The following CLSTN2 variants were observed in gnomAD, a reference collection of about 807,000 sequenced individuals.
The protein encoded by CLSTN2 is calsyntenin 2.
A neutral mutation model predicts 101.2 loss-of-function variants in CLSTN2; 48 were observed. The ratio of observed to expected loss-of-function variants is 0.47; its 90% CI spans 0.38 to 0.60. The LOEUF (loss-of-function observed/expected upper bound fraction) is 0.60, where lower values mean the gene tolerates loss of function less well. Among genes scored for constraint, CLSTN2 ranks in the 20% least tolerant of loss-of-function variants. The probability of loss-of-function intolerance (pLI) is 0.00; values close to 1 mark genes in which losing one functional copy is unlikely to be tolerated. For synonymous variants in CLSTN2, 481 were observed against 463.6 expected, an observed-to-expected ratio of 1.04 and a Z score of -0.48; for missense variants, 1,160 against 1,238.2, an observed-to-expected ratio of 0.94 and a Z score of 0.95.
chr3:140,524,899 GA>G (rs1318482963), intron 8 of CLSTN2, among the ~76,000 whole-genome samples: 2 of 152,154 alleles, frequency 1.3e-5, no homozygotes, highest in Non-Finnish European at 2.9e-5. Flanking sequence ...TGAAATTATT[GA>G]AAATAGTGAC....
chr3:140,328,070 C>T (rs1195584892), intron 2 of CLSTN2, among the ~76,000 whole-genome samples: 1 of 152,120 alleles, frequency 6.6e-6, no homozygotes, highest in Non-Finnish European at 1.5e-5. Flanking sequence ...CCTGATGCTT[C>T]CTTTCACTTG....
At chr3:140,075,381 G>T (rs1385890753) in intron 1 of CLSTN2, among the ~76,000 whole-genome samples, 1 of 152,062 alleles carries the variant, frequency 6.6e-6, no homozygotes, top group African/African-American at 2.4e-5. Flanking sequence ...ACTCGAAATA[G>T]TTTCCTGTTT....
intron 2 of CLSTN2, among the ~76,000 whole-genome samples, chr3:140,225,051 A>C (rs913578231): frequency 6.6e-6 from 1 of 152,198 alleles, no homozygotes; most frequent in Non-Finnish European, 1.5e-5. Flanking sequence ...AGGTTGCACT[A>C]TGTGTGAATT....
intron 8 of CLSTN2, among the ~76,000 whole-genome samples, chr3:140,494,774 C>A (rs549687578): frequency 6.6e-6 from 1 of 152,252 alleles, no homozygotes; most frequent in South Asian, 2.1e-4. Flanking sequence ...CCATTCATAT[C>A]CCTGCAAAGG....
chr3:140,197,653 G>T (rs1344897212), intron 2 of CLSTN2, among the ~76,000 whole-genome samples: 2 of 152,060 alleles, frequency 1.3e-5, no homozygotes, highest in Non-Finnish European at 2.9e-5. Flanking sequence ...ACATTTTTTG[G>T]TTGTCTTAAT....
At chr3:140,464,433 A>G (rs973395183) in intron 7 of CLSTN2, among the ~76,000 whole-genome samples, 5 of 152,262 alleles carry the variant, frequency 3.3e-5, no homozygotes, top group Non-Finnish European at 7.3e-5. Flanking sequence ...AGAGAAGGGA[A>G]GAAAGATTCA....
chr3:140,315,356 G>T (rs938722278), intron 2 of CLSTN2, among the ~76,000 whole-genome samples: 2 of 152,174 alleles, frequency 1.3e-5, no homozygotes, highest in Admixed American at 1.3e-4. Context: ...ATGCCAAGAG[G>T]ATTTACTTAG....
At chr3:140,024,595 G>T (rs1192797076) in intron 1 of CLSTN2, among the ~76,000 whole-genome samples, 1 of 152,196 alleles carries the variant, frequency 6.6e-6, no homozygotes, top group East Asian at 1.9e-4. Context: ...GCAGGCAGGA[G>T]CTGGGTACTC....
chr3:140,423,914 G>A (rs1270553685), intron 5 of CLSTN2, among the ~76,000 whole-genome samples: 1 of 152,210 alleles, frequency 6.6e-6, no homozygotes, highest in Non-Finnish European at 1.5e-5. Context: ...ATGGGGAAAG[G>A]GTACAGGGGC....
At position 140,352,787 on chromosome 3, in the gene CLSTN2, G is replaced by A. The variant is rs116026180; in HGVS notation, c.233-50842G>A. On this transcript the variant is annotated intron_variant, in intron 2 of 16. Transcript: ENST00000458420. ...GGGCCTGTTATCTTCTTCAGAGCAG[G>A]GAAATTCATCTCTTTCTACCCAACC... Among the ~76,000 whole-genome samples, 643 of 152,014 alleles carry A rather than the reference G, an allele frequency of 4.2e-3. 3 individuals carry two copies. The highest frequency in any genetic ancestry group is 0.014 in the African/African-American group (572 of 41,456).
intron 2 of CLSTN2, among the ~76,000 whole-genome samples, chr3:140,306,491 G>T (rs896191799): frequency 1.3e-5 from 2 of 152,160 alleles, no homozygotes; most frequent in African/African-American, 4.8e-5. Context: ...CTGAGGCCCA[G>T]GTTGAACCTT....
intron 1 of CLSTN2, among the ~76,000 whole-genome samples, chr3:140,174,936 G>T (rs1027869838): frequency 1.3e-5 from 2 of 152,180 alleles, no homozygotes; most frequent in African/African-American, 4.8e-5. Flanking sequence ...GCAGGTCCAG[G>T]TTCCCTCTGA....
At chr3:140,439,415 G>C (rs1352896488) in intron 5 of CLSTN2, among the ~76,000 whole-genome samples, 2 of 152,230 alleles carry the variant, frequency 1.3e-5, no homozygotes, top group African/African-American at 2.4e-5. Context: ...AGGTCTGCCA[G>C]ATAGATGTGA....
chr3:140,319,341 G>A lies in CLSTN2; in HGVS notation c.233-84288G>A, dbSNP rs116485974. 4.5e-3 allele frequency among the ~76,000 whole-genome samples: 691 copies of A among 152,268 alleles called. 7 individuals are homozygous for A. The highest frequency in any genetic ancestry group is 0.016 in the African/African-American group (656 of 41,554). On this transcript the variant is annotated intron_variant, in intron 2 of 16. Transcript: ENST00000458420. Reference sequence around the variant, plus strand: ...GTGCCATGCTGAGGGTGAGTTCCCTGAGATCCTAAAGTGGCTGCCAGTGGT... The same window carrying A: ...GTGCCATGCTGAGGGTGAGTTCCCTAAGATCCTAAAGTGGCTGCCAGTGGT...
At chr3:140,066,099 C>G (rs559142136) in intron 1 of CLSTN2, among the ~76,000 whole-genome samples, 1 of 152,338 alleles carries the variant, frequency 6.6e-6, no homozygotes, top group Admixed American at 6.5e-5. Flanking sequence ...TAGCAAGTGA[C>G]AGAGATGAGC....
chr3:140,291,699 C>G (rs895779908), intron 2 of CLSTN2, among the ~76,000 whole-genome samples: 4 of 151,702 alleles, frequency 2.6e-5, no homozygotes, highest in Non-Finnish European at 5.9e-5. Flanking sequence ...CTTGGCATCT[C>G]CACTCTACCA....
intron 1 of CLSTN2, among the ~76,000 whole-genome samples, chr3:139,968,498 T>A (rs1262396236): frequency 6.6e-6 from 1 of 152,216 alleles, no homozygotes; most frequent in Non-Finnish European, 1.5e-5. Flanking sequence ...CATGTGAGAA[T>A]ACAATGCTGC....
chr3:140,167,601 T>C (rs1318287624), intron 1 of CLSTN2, among the ~76,000 whole-genome samples: 1 of 152,216 alleles, frequency 6.6e-6, no homozygotes, highest in Non-Finnish European at 1.5e-5. Flanking sequence ...AAGTTGGATA[T>C]GTTTTGACAA....
chr3:140,519,245 C>T (rs531841015), intron 8 of CLSTN2, among the ~76,000 whole-genome samples: 22 of 152,222 alleles, frequency 1.4e-4, no homozygotes, highest in African/African-American at 4.1e-4. Context: ...TCTTTCACTT[C>T]GATTATGTGA....
Sources: allele counts gnomAD v4.1 joint callset (sites outside exome capture counted in the v4.1 genomes callset), GRCh38; gene constraint gnomAD v4.1.1; transcripts MANE v1.5; gene names NCBI Gene and HGNC (gene_info 2026-07-23, HGNC 2026-07-21).